Variants in CPA6 observed in about 807,000 individuals in gnomAD.
CPA6 encodes the protein carboxypeptidase B.
Under a neutral mutation model 63.3 loss-of-function variants are expected in CPA6, and 58 were observed. That is an observed-to-expected ratio of 0.92 (90% CI 0.74 to 1.14). The LOEUF is 1.14. Among genes scored for constraint, CPA6 ranks in the 50% most tolerant of loss-of-function variants. The probability of loss-of-function intolerance (pLI) is 0.00; values close to 1 mark genes in which losing one functional copy is unlikely to be tolerated. For missense variants in CPA6, 565 were observed against 526.6 expected, an observed-to-expected ratio of 1.07 and a Z score of -0.71; for synonymous variants, 185 against 179.0, an observed-to-expected ratio of 1.03 and a Z score of -0.27.
intron 8 of CPA6, among the ~76,000 whole-genome samples, chr8:67,467,929 G>C (rs911191648): frequency 1.6e-4 from 24 of 149,342 alleles, no homozygotes; most frequent in Admixed American, 2.7e-4. Flanking sequence ...GTGGTGGCAG[G>C]CTCCTGTAAT....
intron 2 of CPA6, among the ~76,000 whole-genome samples, chr8:67,552,913 T>C (rs951736307): frequency 6.6e-6 from 1 of 152,116 alleles, no homozygotes; most frequent in Admixed American, 6.5e-5. Context: ...CATTTTTGTT[T>C]GAATTAGTTA....
chr8:67,493,548 T>C (rs1238345354), intron 6 of CPA6, among the ~76,000 whole-genome samples: 2 of 152,184 alleles, frequency 1.3e-5, no homozygotes, highest in South Asian at 4.1e-4. Context: ...AAGTCTCCTA[T>C]TCTTATTTTT....
Position 67,643,851 on chromosome 8 carries a change from A to G in CPA6, c.117-19600T>C, listed in dbSNP as rs190818610. Among the ~76,000 whole-genome samples, 129 of 152,334 alleles carry G rather than the reference A, an allele frequency of 8.5e-4. 1 individual carries two copies. The highest frequency in any genetic ancestry group is 2.9e-4 in the Non-Finnish European group (20 of 68,030). ...GGCCCCATCCCATAAATTTGAATTC[A>G]GTAGGTCTGATAAGCATCCCAGGTG... On this transcript the variant is annotated intron_variant, in intron 1 of 10. Coordinates refer to ENST00000297770, the MANE Select transcript of CPA6 (RefSeq NM_020361.5).
chr8:67,630,657 T>C (rs996010757), intron 1 of CPA6, among the ~76,000 whole-genome samples: 2 of 152,226 alleles, frequency 1.3e-5, no homozygotes, highest in African/African-American at 4.8e-5. Flanking sequence ...GCTGCTGCTC[T>C]GTGGGAGCCA....
intron 8 of CPA6, among the ~76,000 whole-genome samples, chr8:67,437,845 C>T (rs1810196480): frequency 6.6e-6 from 1 of 151,664 alleles, no homozygotes; most frequent in Non-Finnish European, 1.5e-5. Context: ...AAATGGGAGC[C>T]CTAGAAGGAA....
intron 1 of CPA6, among the ~76,000 whole-genome samples, chr8:67,675,512 GC>G (rs1196205234): frequency 6.6e-6 from 1 of 151,926 alleles, no homozygotes; most frequent in Admixed American, 6.6e-5. Context: ...CCCTCCCCTT[GC>G]CCATCAAAAC....
intron 1 of CPA6, among the ~76,000 whole-genome samples, chr8:67,722,598 T>C (rs976860683): frequency 6.6e-6 from 1 of 152,182 alleles, no homozygotes; most frequent in African/African-American, 2.4e-5. Context: ...CGGCTGAAAC[T>C]GAGATACTAA....
At chr8:67,636,964 G>T (rs377062237) in intron 1 of CPA6, among the ~76,000 whole-genome samples, 1 of 151,570 alleles carries the variant, frequency 6.6e-6, no homozygotes, top group African/African-American at 2.4e-5. Flanking sequence ...GAGCTAAATG[G>T]ATTCTCCCTT....
At chr8:67,744,171 T>C (rs560872979) in intron 1 of CPA6, among the ~76,000 whole-genome samples, 16 of 152,336 alleles carry the variant, frequency 1.1e-4, no homozygotes, top group African/African-American at 3.8e-4. Context: ...ACAGTGAATA[T>C]GCTCAGAAAT....
intron 8 of CPA6, among the ~76,000 whole-genome samples, chr8:67,475,869 TTC>T (rs1811200458): frequency 3.2e-5 from 3 of 94,510 alleles, no homozygotes; most frequent in African/African-American, 1.3e-4. Context: ...CTTTCTTTCT[TTC>T]TTTCTTTCTC....
chr8:67,694,402 T>C (rs961468986), intron 1 of CPA6, among the ~76,000 whole-genome samples: 1 of 152,374 alleles, frequency 6.6e-6, no homozygotes, highest in East Asian at 1.9e-4. Context: ...ACACTGAACG[T>C]TGCCCATGTG....
At chr8:67,429,943 T>A (rs1322468511) in intron 9 of CPA6, among the ~76,000 whole-genome samples, 1 of 152,120 alleles carries the variant, frequency 6.6e-6, no homozygotes, top group East Asian at 1.9e-4. Flanking sequence ...TTAGATGTGA[T>A]CTCTCCACAA....
intron 1 of CPA6, among the ~76,000 whole-genome samples, chr8:67,652,207 G>A (rs1815858897): frequency 6.6e-6 from 1 of 152,108 alleles, no homozygotes; most frequent in Non-Finnish European, 1.5e-5. Flanking sequence ...AAACATACGT[G>A]TGCATGTGTC....
At chr8:67,487,976 C>A (rs556413514) in intron 6 of CPA6, among the ~76,000 whole-genome samples, 39 of 152,276 alleles carry the variant, frequency 2.6e-4, no homozygotes, top group Non-Finnish European at 4.6e-4. Flanking sequence ...GGGTAGATTG[C>A]AAAATTTTTC....
chr8:67,723,564 C>G (rs1817542831), intron 1 of CPA6, among the ~76,000 whole-genome samples: 1 of 152,188 alleles, frequency 6.6e-6, no homozygotes. Flanking sequence ...CAGTTGCTTC[C>G]TCATCCTCAC....
At chr8:67,614,129 G>C (rs1814879855) in intron 2 of CPA6, among the ~76,000 whole-genome samples, 1 of 152,218 alleles carries the variant, frequency 6.6e-6, no homozygotes, top group African/African-American at 2.4e-5. Flanking sequence ...TGAAAAGGCA[G>C]AGGGACCATT....
intron 2 of CPA6, among the ~76,000 whole-genome samples, chr8:67,592,484 C>G (rs1814158558): frequency 6.6e-6 from 1 of 151,728 alleles, no homozygotes; most frequent in Non-Finnish European, 1.5e-5. Context: ...CCTTGTACCT[C>G]TGGTAGAATT....
chr8:67,663,529 C>G (rs1024024764), intron 1 of CPA6, among the ~76,000 whole-genome samples: 6 of 152,102 alleles, frequency 3.9e-5, no homozygotes, highest in African/African-American at 1.4e-4. Flanking sequence ...TCCCCCACCC[C>G]ACTCCCCAAC....
intron 10 of CPA6, among the ~76,000 whole-genome samples, chr8:67,427,161 C>G (rs182102579): frequency 6.6e-6 from 1 of 151,730 alleles, no homozygotes; most frequent in Non-Finnish European, 1.5e-5. Context: ...GAGAAAATAG[C>G]CCTTTATCAC....
Sources: allele counts gnomAD v4.1 joint callset (sites outside exome capture counted in the v4.1 genomes callset), GRCh38; gene constraint gnomAD v4.1.1; transcripts MANE v1.5; gene names NCBI Gene and HGNC (gene_info 2026-07-23, HGNC 2026-07-21).